SHANK2: variants seen among roughly 807,000 people sequenced by gnomAD.
The protein encoded by SHANK2 is SH3 and multiple ankyrin repeat domains 2, also known as SH3 and multiple ankyrin repeat domains protein 2.
In SHANK2, 43 loss-of-function variants were observed where a neutral mutation model predicts 133.7. That is an observed-to-expected ratio of 0.32 (90% CI 0.25 to 0.41). SHANK2 has a LOEUF of 0.41. SHANK2 is among the 10% of genes least tolerant of loss of function. SHANK2 has a pLI of 1.00. For synonymous variants in SHANK2, 1,017 were observed against 952.8 expected (o/e 1.07, Z -1.24); for missense variants, 1,994 against 2,235.8 (o/e 0.89, Z 2.18).
intron 17 of SHANK2, among the ~76,000 whole-genome samples, chr11:70,528,686 G>A (rs1203226621): frequency 6.6e-6 from 1 of 152,038 alleles, no homozygotes; most frequent in Non-Finnish European, 1.5e-5. Flanking sequence ...ACTATGCCCT[G>A]ACAAGCGGGT....
intron 1 of SHANK2, among the ~76,000 whole-genome samples, chr11:71,248,111 C>A (rs1555125284): frequency 6.6e-6 from 1 of 152,242 alleles, no homozygotes; most frequent in Admixed American, 6.5e-5. Context: ...GGGTAGTGGG[C>A]ATGGGCCCAT....
intron 2 of SHANK2, among the ~76,000 whole-genome samples, chr11:71,192,690 T>G (rs1050611304): frequency 1.3e-5 from 2 of 152,166 alleles, no homozygotes; most frequent in African/African-American, 4.8e-5. Flanking sequence ...AATTTCATAC[T>G]CTCTGTCTTC....
intron 11 of SHANK2, among the ~76,000 whole-genome samples, chr11:70,875,871 A>C (rs79886744): frequency 1.3e-5 from 2 of 151,558 alleles, no homozygotes; most frequent in Non-Finnish European, 2.9e-5. Flanking sequence ...AAAAAAAAAA[A>C]AGAGGCTGGT....
At chr11:70,798,578 A>C (rs941790815) in intron 13 of SHANK2, 22 bp from the exon 14 acceptor site, 5 of 717,764 alleles carry the variant, frequency 7.0e-6, no homozygotes, top group Non-Finnish European at 1.3e-5. Flanking sequence ...AAAAAGGGAG[A>C]GGTGTTAGCA....
Position 70,503,056 on chromosome 11 carries a change from GA to G in SHANK2, c.2062-126del. 3 of 1,039,434 alleles carry G rather than the reference GA, an allele frequency of 2.9e-6. No homozygotes were observed. The Admixed American group carries it at 5.1e-5, about 18-fold the overall frequency. 64.4% of individuals were successfully genotyped at this position (1,039,434 alleles called of 1,614,324 possible). ...GCAAATGCAGGGAAGCAAAGGGAGT[GA>G]GACCGTCATCTTTTTGGAAGCAAAG... On this transcript the variant is annotated intron_variant, in intron 17 of 25. Coordinates refer to ENST00000601538, the MANE Select transcript of SHANK2 (RefSeq NM_012309.5).
At chr11:70,572,023 G>A (rs1430940036) in intron 17 of SHANK2, among the ~76,000 whole-genome samples, 7 of 152,202 alleles carry the variant, frequency 4.6e-5, no homozygotes, top group Admixed American at 3.9e-4. Context: ...CAGAGAGCTC[G>A]CTTCCACTTT....
At chr11:70,678,641 C>T (rs1409230523) in intron 15 of SHANK2, among the ~76,000 whole-genome samples, 2 of 146,512 alleles carry the variant, frequency 1.4e-5, no homozygotes, top group Non-Finnish European at 3.0e-5. Flanking sequence ...CTCCCGGGTT[C>T]AAGTGATTCT....
chr11:70,642,883 C>G (rs147777466), intron 17 of SHANK2, among the ~76,000 whole-genome samples: 40 of 152,194 alleles, frequency 2.6e-4, no homozygotes, highest in Admixed American at 1.2e-3. Context: ...TACAGAAGAG[C>G]CAAGGTGACT....
intron 14 of SHANK2, among the ~76,000 whole-genome samples, chr11:70,788,929 A>G (rs956964996): frequency 6.6e-6 from 1 of 152,176 alleles, no homozygotes; most frequent in African/African-American, 2.4e-5. Flanking sequence ...GGTCCACACG[A>G]TCTGAAGGAG....
chr11:71,067,188 C>T (rs1350137690), intron 9 of SHANK2, among the ~76,000 whole-genome samples: 12 of 152,130 alleles, frequency 7.9e-5, no homozygotes, highest in African/African-American at 2.9e-4. Context: ...CATGATGGCC[C>T]CATGGGAGCT....
chr11:71,163,549 A>G (rs1408489158), intron 2 of SHANK2, among the ~76,000 whole-genome samples: 1 of 152,198 alleles, frequency 6.6e-6, no homozygotes, highest in Non-Finnish European at 1.5e-5. Context: ...CAGTCCCAGG[A>G]GAATGTGATA....
chr11:70,682,210 T>C (rs1450236860), intron 15 of SHANK2, among the ~76,000 whole-genome samples: 1 of 152,128 alleles, frequency 6.6e-6, no homozygotes, highest in African/African-American at 2.4e-5. Context: ...CTGGAAATAT[T>C]TGAGCCATCT....
In SHANK2 at chr11:70,485,891, G is replaced by T; in HGVS notation, c.4402C>A (p.Leu1468Ile). 6.2e-7 allele frequency: 1 copy of T among 1,614,170 alleles called. No individual in the cohort carries two copies. Among genetic ancestry groups the T allele is most frequent in the South Asian group, 1.1e-5 (1 of 91,062 alleles). The change falls in exon 25 of 26, where the codon CTT (leucine) becomes ATT (isoleucine). Residue 1468 changes from leucine (L) to isoleucine (I), a missense_variant. This residue lies in a region of SHANK2 where 797 missense variants were observed against 907.4 expected (regional missense o/e 0.88). Coordinates refer to ENST00000601538, the MANE Select transcript of SHANK2 (RefSeq NM_012309.5). The surrounding 1 kb of genome is among the most constrained non-coding windows in gnomAD (Gnocchi z 5.8). ...NSADSKKPAS[L>I]SNCLPASFLP... is the part of the protein sequence containing the mutation. ...AATGAGGCAGGCAGACAGTTTGAAA[G>T]ACTGGCTGGCTTCTTGCTGTCTGCA...
chr11:70,946,772 G>A (rs1400997125), intron 10 of SHANK2, among the ~76,000 whole-genome samples: 4 of 143,078 alleles, frequency 2.8e-5, no homozygotes, highest in Non-Finnish European at 4.5e-5. Context: ...ACCCTTCCCA[G>A]GCTCAACCTC....
At chr11:70,542,195 T>C (rs1035776719) in intron 17 of SHANK2, among the ~76,000 whole-genome samples, 12 of 152,208 alleles carry the variant, frequency 7.9e-5, no homozygotes, top group African/African-American at 2.9e-4. Flanking sequence ...AATGTGACCT[T>C]ATTTGGAAAC....
In SHANK2 at chr11:70,686,203, T is replaced by TATCCATCC. The variant is rs781907518; in HGVS notation, c.1853+12477_1853+12484dup. The stretch of plus-strand genomic sequence containing the variant: ...CCATCTACTCATCCACCCATCCATC[T>TATCCATCC]ATCCATCCATCCATCCATCCATCCA... On this transcript the variant is annotated intron_variant, in intron 15 of 25. Transcript: ENST00000601538. 2.6e-3 allele frequency among the ~76,000 whole-genome samples: 260 copies of TATCCATCC among 101,730 alleles called. 1 individual carries two copies. The highest frequency in any genetic ancestry group is 9.7e-3 in the African/African-American group (236 of 24,372). The allele number at this position is 101,730 out of a possible 152,430, so 66.7% of individuals were successfully genotyped here. A position where few individuals can be genotyped will look rare whatever the true frequency, so the allele number is the denominator to read the frequency against.
intron 14 of SHANK2, among the ~76,000 whole-genome samples, chr11:70,793,686 G>A (rs564011581): frequency 6.6e-6 from 1 of 152,322 alleles, no homozygotes; most frequent in Admixed American, 6.5e-5. Flanking sequence ...ATTGCCAAAT[G>A]TTGATGAGAA....
chr11:70,915,152 T>C (rs1412641264), intron 10 of SHANK2, among the ~76,000 whole-genome samples: 2 of 152,124 alleles, frequency 1.3e-5, no homozygotes, highest in East Asian at 3.9e-4. Flanking sequence ...GACACGTTCA[T>C]CCTCAGCTCC....
chr11:70,672,753 T>C (rs558554421), intron 15 of SHANK2, among the ~76,000 whole-genome samples: 2 of 152,338 alleles, frequency 1.3e-5, no homozygotes, highest in South Asian at 4.1e-4. Flanking sequence ...ACTCCCCCAG[T>C]AGCACATGAG....
Sources: allele counts gnomAD v4.1 joint callset (sites outside exome capture counted in the v4.1 genomes callset), GRCh38; gene constraint gnomAD v4.1.1; regional missense constraint gnomAD v4.1.1; non-coding constraint Gnocchi (gnomAD v3.1); transcripts MANE v1.5; gene names NCBI Gene and HGNC (gene_info 2026-07-23, HGNC 2026-07-21).